Variants in ADGRL3 observed in about 807,000 individuals in gnomAD.
ADGRL3 encodes calcium-independent alpha-latrotoxin receptor 3.
Under a neutral mutation model 153.5 loss-of-function variants are expected in ADGRL3, and 62 were observed. The observed-to-expected ratio is 0.40, with a 90% CI of 0.33 to 0.50. The LOEUF is 0.50. ADGRL3 is among the 20% of genes least tolerant of loss of function. The pLI, the probability that ADGRL3 is intolerant of heterozygous loss-of-function variation, is 0.47. For synonymous variants in ADGRL3, 710 were observed against 672.5 expected (o/e 1.06, Z -0.86); for missense variants, 1,641 against 1,859.4 (o/e 0.88, Z 2.16).
intron 4 of ADGRL3, among the ~76,000 whole-genome samples, chr4:61,554,669 C>A (rs2098757192): frequency 1.3e-5 from 2 of 152,158 alleles, no homozygotes; most frequent in African/African-American, 4.8e-5. Flanking sequence ...TTTAAACTTA[C>A]AACATTCCTA....
At chr4:61,427,899 C>G (rs1346360113) in intron 2 of ADGRL3, 1 of 152,890 alleles carries the variant, frequency 6.5e-6, no homozygotes, top group Admixed American at 6.5e-5. Flanking sequence ...AAGGCTCGCT[C>G]CTTTTCAGTG....
At chr4:61,855,926 T>A (rs1036898163) in intron 9 of ADGRL3, among the ~76,000 whole-genome samples, 1 of 152,106 alleles carries the variant, frequency 6.6e-6, no homozygotes, top group Non-Finnish European at 1.5e-5. Flanking sequence ...ATTAAGAATA[T>A]TGAAAAAGGA....
intron 4 of ADGRL3, among the ~76,000 whole-genome samples, chr4:61,534,495 G>A (rs943280696): frequency 6.6e-6 from 1 of 151,880 alleles, no homozygotes; most frequent in Non-Finnish European, 1.5e-5. Flanking sequence ...TAATTTGATA[G>A]GAAATGCACT....
intron 13 of ADGRL3, among the ~76,000 whole-genome samples, chr4:61,916,587 A>C (rs988795117): frequency 2.0e-5 from 3 of 150,542 alleles, no homozygotes; most frequent in Admixed American, 2.0e-4. Context: ...AGGCCACACA[A>C]GTAGCACTGA....
chr4:61,377,604 T>C (rs994467921), intron 1 of ADGRL3, among the ~76,000 whole-genome samples: 1 of 152,012 alleles, frequency 6.6e-6, no homozygotes, highest in South Asian at 2.1e-4. Context: ...ATTTTTTTCA[T>C]AGCATAAATA....
chr4:61,516,517 C>A (rs1000529350), intron 3 of ADGRL3, among the ~76,000 whole-genome samples: 3 of 151,782 alleles, frequency 2.0e-5, no homozygotes, highest in Non-Finnish European at 4.4e-5. Context: ...CAAAAAAAAT[C>A]CTATATTTAA....
At chr4:61,240,252 T>C (rs1258725962) in intron 1 of ADGRL3, among the ~76,000 whole-genome samples, 1 of 152,050 alleles carries the variant, frequency 6.6e-6, no homozygotes, top group Admixed American at 6.6e-5. Flanking sequence ...TAGAGATCAT[T>C]TATAAGGGTT....
At chr4:61,573,764 A>G (rs1391176253) in intron 4 of ADGRL3, among the ~76,000 whole-genome samples, 1 of 152,010 alleles carries the variant, frequency 6.6e-6, no homozygotes, top group African/African-American at 2.4e-5. Context: ...CCTATATTCA[A>G]TAAATAAGGC....
At chr4:61,998,092 C>A (rs1344348959) in intron 20 of ADGRL3, 82 bp from the exon 21 acceptor site, 3 of 572,092 alleles carry the variant, frequency 5.2e-6, no homozygotes, top group Admixed American at 7.2e-5. Context: ...TTTCCCAGAA[C>A]AACTCATGTG....
chr4:61,863,221 G>A (rs1254960107), intron 9 of ADGRL3, among the ~76,000 whole-genome samples: 2 of 150,736 alleles, frequency 1.3e-5, no homozygotes, highest in African/African-American at 4.9e-5. Context: ...CATCATGTCT[G>A]GGCATCATTC....
chr4:62,047,792 T>C (rs1731907633), intron 25 of ADGRL3, among the ~76,000 whole-genome samples: 1 of 152,184 alleles, frequency 6.6e-6, no homozygotes, highest in African/African-American at 2.4e-5. Context: ...CCAGCCAACT[T>C]GTTTGGCACA....
intron 21 of ADGRL3, among the ~76,000 whole-genome samples, chr4:62,011,619 C>T (rs1177142238): frequency 1.3e-5 from 2 of 151,962 alleles, no homozygotes; most frequent in African/African-American, 2.4e-5. Flanking sequence ...TTTCTCAAAT[C>T]CAAAGGCATC....
chr4:61,883,838 C>A lies in ADGRL3; in HGVS notation c.1481-8818C>A, dbSNP rs1190694067. 2.0e-5 allele frequency among the ~76,000 whole-genome samples: 3 copies of A among 151,976 alleles called. No homozygotes were observed. The South Asian group carries it at 6.2e-4, about 31-fold the overall frequency. On this transcript the variant is annotated intron_variant, in intron 9 of 26. Transcript: ENST00000683033. ...CATAAGATACAGTTTATTAACTCTTCTTGAGGGTAGTACTCTTTGCTTCAT... is the reference window on the plus strand; with the variant it reads ...CATAAGATACAGTTTATTAACTCTTATTGAGGGTAGTACTCTTTGCTTCAT...
intron 9 of ADGRL3, among the ~76,000 whole-genome samples, chr4:61,837,644 A>G (rs1581076182): frequency 6.6e-6 from 1 of 152,056 alleles, no homozygotes; most frequent in Admixed American, 6.6e-5. Context: ...TGGCAGCCTC[A>G]TATTTTTAGA....
intron 8 of ADGRL3, among the ~76,000 whole-genome samples, chr4:61,792,258 C>G (rs2097352027): frequency 6.6e-6 from 1 of 152,100 alleles, no homozygotes; most frequent in African/African-American, 2.4e-5. Flanking sequence ...TCATCTCTTT[C>G]AAGTTCAACG....
chr4:61,718,664 C>T (rs1359774028), intron 6 of ADGRL3, among the ~76,000 whole-genome samples: 3 of 152,044 alleles, frequency 2.0e-5, no homozygotes, highest in Non-Finnish European at 2.9e-5. Flanking sequence ...TTGTTGTCTA[C>T]CAGGAAGCTG....
intron 15 of ADGRL3, among the ~76,000 whole-genome samples, chr4:61,937,544 G>C (rs1344370640): frequency 1.3e-5 from 2 of 150,872 alleles, no homozygotes; most frequent in African/African-American, 4.9e-5. Flanking sequence ...CTCTAACGTA[G>C]ACTCCTCTTT....
In ADGRL3 at chr4:61,904,991, TAAC is replaced by T. The variant is rs1157309787; in HGVS notation, c.1888-4563_1888-4561del. ...GACGGAGAAGGAAACTTAATAATAATAACAACAAAATAATTACATAAGAACCCA... is the reference window on the plus strand; with the variant it reads ...GACGGAGAAGGAAACTTAATAATAATAACAAAATAATTACATAAGAACCCA... On this transcript the variant is annotated intron_variant, in intron 11 of 26. Coordinates refer to ENST00000683033, the MANE Select transcript of ADGRL3 (RefSeq NM_001387552.1). Among the ~76,000 whole-genome samples, 7 of 152,040 alleles carry T rather than the reference TAAC, an allele frequency of 4.6e-5. No homozygotes were observed. The East Asian group carries it at 9.7e-4, about 21-fold the overall frequency.
intron 8 of ADGRL3, among the ~76,000 whole-genome samples, chr4:61,781,354 A>G (rs2097212069): frequency 6.6e-6 from 1 of 151,474 alleles, no homozygotes; most frequent in African/African-American, 2.4e-5. Flanking sequence ...AAAAGAAAAG[A>G]AAAGAAAAAG....
Sources: gnomAD v4.1 joint callset for allele counts (sites outside exome capture counted in the v4.1 genomes callset) on GRCh38, gnomAD v4.1.1 for gene constraint, MANE v1.5 for transcripts, NCBI Gene and HGNC (gene_info 2026-07-23, HGNC 2026-07-21) for gene names.